CHN2: variants seen among roughly 807,000 people sequenced by gnomAD.
CHN2 encodes the protein beta-chimaerin.
Under a neutral mutation model 56.3 loss-of-function variants are expected in CHN2, and 35 were observed. The ratio of observed to expected loss-of-function variants is 0.62; its 90% CI spans 0.47 to 0.82. The LOEUF (loss-of-function observed/expected upper bound fraction) is 0.82. CHN2 is among the 40% of genes least tolerant of loss of function. The pLI is 0.00. For missense variants in CHN2, 491 were observed against 580.5 expected (o/e 0.85, Z 1.58); for synonymous variants, 210 against 212.8 (o/e 0.99, Z 0.12).
chr7:29,416,540 T>G (rs145648171), intron 6 of CHN2, among the ~76,000 whole-genome samples: 76 of 152,296 alleles, frequency 5.0e-4, no homozygotes, highest in African/African-American at 1.6e-3. Flanking sequence ...GTAGAAGGTT[T>G]GTTAGTACAC....
At position 29,391,076 on chromosome 7, in the gene CHN2, C is replaced by G. The variant is rs1406703588; in HGVS notation, c.145-2603C>G. 3.9e-5 allele frequency among the ~76,000 whole-genome samples: 6 copies of G among 152,244 alleles called. No homozygotes were observed. In the East Asian group the frequency reaches 1.2e-3, roughly 29 times the overall value. On this transcript the variant is annotated intron_variant, in intron 3 of 12. Coordinates refer to ENST00000222792, the MANE Select transcript of CHN2 (RefSeq NM_004067.4). The stretch of plus-strand genomic sequence containing the variant: ...TTTTTTGATCCCAGCCTCTCTCTCT[C>G]TCTTTGACATTAACAAGGACACATA...
chr7:29,418,812 G>C (rs1031724972), intron 6 of CHN2, among the ~76,000 whole-genome samples: 1 of 152,160 alleles, frequency 6.6e-6, no homozygotes, highest in Non-Finnish European at 1.5e-5. Context: ...CCTAATTTAA[G>C]TGTTTAAAAT....
At chr7:29,276,391 C>T (rs1306512668) in intron 1 of CHN2, among the ~76,000 whole-genome samples, 6 of 152,178 alleles carry the variant, frequency 3.9e-5, no homozygotes, top group African/African-American at 9.6e-5. Context: ...TATTATTTCC[C>T]TGTCTCTGTC....
intron 1 of CHN2, among the ~76,000 whole-genome samples, chr7:29,319,880 G>A (rs1795216328): frequency 6.6e-6 from 1 of 152,110 alleles, no homozygotes; most frequent in African/African-American, 2.4e-5. Flanking sequence ...CAGTGTTGTC[G>A]TGACCAGTGC....
intron 1 of CHN2, among the ~76,000 whole-genome samples, chr7:29,302,497 ATTCTT>A (rs1419713296): frequency 9.7e-6 from 1 of 103,306 alleles, no homozygotes; most frequent in Non-Finnish European, 1.9e-5. Context: ...CTAAATTTTA[ATTCTT>A]TTTTTTTTTT....
chr7:29,508,041 A>G (rs1251029810), intron 11 of CHN2, among the ~76,000 whole-genome samples: 5 of 152,194 alleles, frequency 3.3e-5, no homozygotes, highest in Admixed American at 3.3e-4. Flanking sequence ...GGGCCAGAAT[A>G]CACTGTGTCA....
chr7:29,452,016 G>C (rs1453271026), intron 6 of CHN2, among the ~76,000 whole-genome samples: 5 of 152,190 alleles, frequency 3.3e-5, no homozygotes, highest in Admixed American at 3.3e-4. Context: ...TTAGGGTCCT[G>C]GGCAGGTTGC....
chr7:29,209,194 G>A (rs567959475), intron 1 of CHN2, among the ~76,000 whole-genome samples: 4 of 152,206 alleles, frequency 2.6e-5, no homozygotes, highest in African/African-American at 9.6e-5. Context: ...GGGTGAGGAG[G>A]CCTGAACGGA....
intron 1 of CHN2, among the ~76,000 whole-genome samples, chr7:29,334,095 A>G (rs1024227258): frequency 7.8e-6 from 1 of 127,922 alleles, no homozygotes; most frequent in African/African-American, 3.1e-5. Flanking sequence ...TCCATTGCCC[A>G]GGCTGGAGTG....
chr7:29,207,692 C>T (rs1161970163), intron 1 of CHN2, among the ~76,000 whole-genome samples: 1 of 152,208 alleles, frequency 6.6e-6, no homozygotes, highest in East Asian at 1.9e-4. Context: ...AGTGATGTGT[C>T]TGTGGCTGCC....
intron 1 of CHN2, among the ~76,000 whole-genome samples, chr7:29,348,309 G>A (rs939114349): frequency 3.3e-5 from 5 of 152,102 alleles, no homozygotes; most frequent in Admixed American, 2.6e-4. Flanking sequence ...ACTTTAGCAC[G>A]TAAGGTTTTC....
chr7:29,509,251 A>G, intron 11 of CHN2, 50 bp from the exon 12 acceptor site: 1 of 1,395,726 alleles, frequency 7.2e-7, no homozygotes, highest in South Asian at 1.2e-5. Flanking sequence ...TTCTCTGAAA[A>G]CTTGAATGCC....
intron 1 of CHN2, among the ~76,000 whole-genome samples, chr7:29,301,131 C>T (rs1329591590): frequency 6.6e-6 from 1 of 151,970 alleles, no homozygotes; most frequent in East Asian, 1.9e-4. Context: ...CCAGAAAGTC[C>T]TTTGTCATTT....
At chr7:29,315,535 C>T (rs769218091) in intron 1 of CHN2, among the ~76,000 whole-genome samples, 17 of 152,110 alleles carry the variant, frequency 1.1e-4, no homozygotes, top group Non-Finnish European at 2.1e-4. Flanking sequence ...TAAAATAAGC[C>T]TATTACTCTG....
chr7:29,392,577 G>T (rs1170583208), intron 3 of CHN2, among the ~76,000 whole-genome samples: 1 of 152,168 alleles, frequency 6.6e-6, no homozygotes, highest in Non-Finnish European at 1.5e-5. Context: ...AGCGAGGCTT[G>T]TCCTAGGCAG....
At chr7:29,410,853 G>A (rs557685216) in intron 6 of CHN2, among the ~76,000 whole-genome samples, 1 of 152,138 alleles carries the variant, frequency 6.6e-6, no homozygotes, top group East Asian at 1.9e-4. Flanking sequence ...AAGAATGACT[G>A]TTACATATAA....
chr7:29,240,816 T>TTTG (rs1554374042), intron 1 of CHN2, among the ~76,000 whole-genome samples: 4 of 149,442 alleles, frequency 2.7e-5, no homozygotes, highest in East Asian at 4.0e-4. Flanking sequence ...CTTCTTCTTC[T>TTTG]TCGTCGTCGT....
chr7:29,284,029 C>T (rs1362812298), intron 1 of CHN2, among the ~76,000 whole-genome samples: 2 of 150,366 alleles, frequency 1.3e-5, no homozygotes, highest in Non-Finnish European at 2.9e-5. Context: ...GTCTCAGCCT[C>T]CCTCCCTGTC....
At chr7:29,467,538 C>A (rs1785639760) in intron 6 of CHN2, among the ~76,000 whole-genome samples, 1 of 152,218 alleles carries the variant, frequency 6.6e-6, no homozygotes, top group Non-Finnish European at 1.5e-5. Context: ...TTTGCAGACA[C>A]ACGCATTTAT....
Sources: gnomAD v4.1 joint callset for allele counts (sites outside exome capture counted in the v4.1 genomes callset) on GRCh38, gnomAD v4.1.1 for gene constraint, MANE v1.5 for transcripts, NCBI Gene and HGNC (gene_info 2026-07-23, HGNC 2026-07-21) for gene names.